The following ACAD11 variants were observed in gnomAD, a reference collection of about 807,000 sequenced individuals.
The protein encoded by ACAD11 is acyl-CoA dehydrogenase family member 11.
In ACAD11, 83 loss-of-function variants were observed where a neutral mutation model predicts 102.2. That is an observed-to-expected ratio of 0.81 (90% CI 0.68 to 0.97). The LOEUF (loss-of-function observed/expected upper bound fraction) is 0.97, where lower values mean the gene tolerates loss of function less well. Among genes scored for constraint, ACAD11 ranks in the 50% least tolerant of loss-of-function variants. The probability of loss-of-function intolerance (pLI) is 0.00; values close to 1 mark genes in which losing one functional copy is unlikely to be tolerated. For missense variants in ACAD11, 901 were observed against 951.7 expected (o/e 0.95, Z 0.70); for synonymous variants, 324 against 319.8 (o/e 1.01, Z -0.14).
Position 132,558,651 on chromosome 3 carries a change from C to A in ACAD11, c.*320G>T, listed in dbSNP as rs1384974304. 5 of 241,710 alleles carry A rather than the reference C, an allele frequency of 2.1e-5. No individual in the cohort carries two copies. Among genetic ancestry groups the A allele is most frequent in the Non-Finnish European group, 3.2e-5 (4 of 126,640 alleles). 15.0% of individuals were successfully genotyped at this position (241,710 alleles called of 1,614,324 possible). Reference sequence around the variant, plus strand: ...AAGTAGCTAGGACTACAAGCATGTGCCACCACACTTGTTTCATTTTTAAAT... The same window carrying A: ...AAGTAGCTAGGACTACAAGCATGTGACACCACACTTGTTTCATTTTTAAAT... On this transcript the variant is annotated 3_prime_UTR_variant, in exon 20 of 20. Transcript: ENST00000264990.
At chr3:132,563,604 G>A (rs1204968605) in intron 17 of ACAD11, among the ~76,000 whole-genome samples, 3 of 152,076 alleles carry the variant, frequency 2.0e-5, no homozygotes, top group Non-Finnish European at 4.4e-5. Flanking sequence ...AAATAAAATT[G>A]TTACGTACTG....
At chr3:132,600,383 A>G (rs1219959553) in intron 13 of ACAD11, 28 of 1,566,410 alleles carry the variant, frequency 1.8e-5, no homozygotes, top group South Asian at 2.4e-5. Context: ...TCTCTTTGCC[A>G]TCTAGATTGG....
At chr3:132,641,596 A>AGAAGAGGAGGAG (rs1559973740) in intron 4 of ACAD11, among the ~76,000 whole-genome samples, 2 of 117,456 alleles carry the variant, frequency 1.7e-5, no homozygotes, top group Non-Finnish European at 3.3e-5. Context: ...AAGAAGAAGA[A>AGAAGAGGAGGAG]GAAGAAGAGG....
At chr3:132,630,351 G>T in intron 7 of ACAD11, 86 bp downstream of exon 7, 6 of 1,359,760 alleles carry the variant, frequency 4.4e-6, no homozygotes, top group Non-Finnish European at 5.9e-6. Flanking sequence ...TAAGGATAAA[G>T]AATATAAAAC....
At chr3:132,605,808 T>C (rs1938813767) in intron 11 of ACAD11, among the ~76,000 whole-genome samples, 1 of 152,210 alleles carries the variant, frequency 6.6e-6, no homozygotes, top group Non-Finnish European at 1.5e-5. Flanking sequence ...ATAACAATTA[T>C]TTCTATTTAC....
rs904825136 is a variant in ACAD11, at chr3:132,567,050, C to T, written c.2002-5833G>A. Among the ~76,000 whole-genome samples, 4 of 152,288 alleles carry T rather than the reference C, an allele frequency of 2.6e-5. No individual in the cohort carries two copies. In the East Asian group the frequency reaches 7.7e-4, roughly 29 times the overall value. ...CTGGAGTGCAGTGGCGTGATCTCAGCTCACTGCAACCTCCGCCTCCTGGGT... is the reference window on the plus strand; with the variant it reads ...CTGGAGTGCAGTGGCGTGATCTCAGTTCACTGCAACCTCCGCCTCCTGGGT... On this transcript the variant is annotated intron_variant, in intron 17 of 19. Coordinates refer to ENST00000264990, the MANE Select transcript of ACAD11 (RefSeq NM_032169.5).
At chr3:132,630,707 G>T (rs947245288) in intron 6 of ACAD11, 149 bp from the exon 7 acceptor site, 8 of 664,954 alleles carry the variant, frequency 1.2e-5, no homozygotes, top group Non-Finnish European at 1.7e-5. Flanking sequence ...ATTTCCAAAA[G>T]ATTATTATAT....
intron 9 of ACAD11, 107 bp downstream of exon 9, chr3:132,626,584 G>A: frequency 7.7e-7 from 1 of 1,303,596 alleles, no homozygotes; most frequent in South Asian, 1.4e-5. Context: ...ATCTAGGTAA[G>A]GATTGACTAA....
chr3:132,649,298 C>T (rs1446614538), intron 1 of ACAD11, among the ~76,000 whole-genome samples: 1 of 152,128 alleles, frequency 6.6e-6, no homozygotes, highest in Non-Finnish European at 1.5e-5. Context: ...TCCTGCCTGC[C>T]CCTGGGAACT....
chr3:132,619,736 A>G (rs543762813), intron 9 of ACAD11, among the ~76,000 whole-genome samples, 191 bp from the exon 10 acceptor site: 2 of 152,340 alleles, frequency 1.3e-5, no homozygotes, highest in South Asian at 4.1e-4. Context: ...ACAATATTAG[A>G]TAGTAGGCTA....
intron 2 of ACAD11, among the ~76,000 whole-genome samples, chr3:132,643,584 C>T (rs1282328047): frequency 6.6e-6 from 1 of 152,064 alleles, no homozygotes; most frequent in Non-Finnish European, 1.5e-5. Context: ...AGCTATGCAG[C>T]TCATTTTGAC....
intron 13 of ACAD11, among the ~76,000 whole-genome samples, chr3:132,595,852 G>A (rs897477598): frequency 2.0e-5 from 3 of 152,118 alleles, no homozygotes; most frequent in Admixed American, 1.3e-4. Context: ...TGGTGGGAGT[G>A]TAGAAAACAG....
At chr3:132,573,237 A>C (rs1937434108) in intron 17 of ACAD11, among the ~76,000 whole-genome samples, 1 of 152,270 alleles carries the variant, frequency 6.6e-6, no homozygotes, top group African/African-American at 2.4e-5. Flanking sequence ...ATTTGATTAG[A>C]GTTTCCCTAA....
At chr3:132,606,871 A>C (rs1173615876) in intron 11 of ACAD11, among the ~76,000 whole-genome samples, 3 of 152,196 alleles carry the variant, frequency 2.0e-5, no homozygotes, top group African/African-American at 7.2e-5. Context: ...ATACACCTCA[A>C]ACAGGACAGC....
intron 13 of ACAD11, among the ~76,000 whole-genome samples, chr3:132,592,816 T>A (rs1170127682): frequency 3.3e-5 from 5 of 152,176 alleles, no homozygotes; most frequent in African/African-American, 1.2e-4. Context: ...AAAAAGATGT[T>A]CATTGTACAA....
intron 1 of ACAD11, among the ~76,000 whole-genome samples, chr3:132,654,848 T>C (rs1010000499): frequency 9.8e-5 from 15 of 152,358 alleles, no homozygotes; most frequent in African/African-American, 3.6e-4. Context: ...TAATTGGCAC[T>C]GATTCGTTGT....
chr3:132,628,025 G>T (rs1435783732), intron 8 of ACAD11, among the ~76,000 whole-genome samples: 1 of 152,126 alleles, frequency 6.6e-6, no homozygotes, highest in Non-Finnish European at 1.5e-5. Flanking sequence ...CTTATATAAT[G>T]CATTTTTAAA....
At chr3:132,654,812 C>A (rs1349021375) in intron 1 of ACAD11, 1 of 152,168 alleles carries the variant, frequency 6.6e-6, no homozygotes, top group African/African-American at 2.4e-5. Context: ...AGAAGCCACA[C>A]AATAAATCGT....
intron 1 of ACAD11, 65 bp from the exon 2 acceptor site, chr3:132,644,961 T>G: frequency 1.1e-6 from 1 of 944,284 alleles, no homozygotes; most frequent in Non-Finnish European, 1.6e-6. Flanking sequence ...CCCCAAATCC[T>G]ACTGAAATGT....
Sources: gnomAD v4.1 joint callset for allele counts (sites outside exome capture counted in the v4.1 genomes callset) on GRCh38, gnomAD v4.1.1 for gene constraint, MANE v1.5 for transcripts, NCBI Gene and HGNC (gene_info 2026-07-23, HGNC 2026-07-21) for gene names.